TMTC2: variants seen among roughly 807,000 people sequenced by gnomAD.
The protein encoded by TMTC2 is protein O-mannosyl-transferase TMTC2.
TMTC2 carries 43 observed loss-of-function variants against 82.4 expected under a neutral mutation model. The observed-to-expected ratio is 0.52, with a 90% CI of 0.41 to 0.67. The LOEUF is 0.67. TMTC2 is among the 30% of genes least tolerant of loss of function. TMTC2 has a pLI of 0.00. For missense variants in TMTC2, 919 were observed against 1,012.4 expected (o/e 0.91, Z 1.25); for synonymous variants, 408 against 381.9 (o/e 1.07, Z -0.80).
At chr12:82,859,561 C>A (rs184577385) in intron 2 of TMTC2, among the ~76,000 whole-genome samples, 24 of 152,298 alleles carry the variant, frequency 1.6e-4, no homozygotes, top group Admixed American at 6.5e-4. Context: ...ATATTTGGGA[C>A]ATACTTATAA....
chr12:82,966,414 G>A (rs1444935617), intron 6 of TMTC2, among the ~76,000 whole-genome samples: 2 of 151,888 alleles, frequency 1.3e-5, no homozygotes, highest in East Asian at 1.9e-4. Context: ...TCCCACTCAC[G>A]TACTCTTATG....
chr12:83,091,909 C>T (rs1042644939), intron 11 of TMTC2, among the ~76,000 whole-genome samples: 4 of 152,140 alleles, frequency 2.6e-5, no homozygotes, highest in African/African-American at 4.8e-5. Flanking sequence ...GAAGCACTCA[C>T]CCTTCTTTTA....
At chr12:82,958,093 C>T (rs183013570) in intron 4 of TMTC2, among the ~76,000 whole-genome samples, 7 of 152,072 alleles carry the variant, frequency 4.6e-5, no homozygotes, top group African/African-American at 1.7e-4. Context: ...CTGGGCACAA[C>T]GGCTCATGCC....
chr12:83,059,122 T>C (rs1882646524), intron 10 of TMTC2, among the ~76,000 whole-genome samples: 4 of 151,862 alleles, frequency 2.6e-5, no homozygotes. Flanking sequence ...CTCGGGAACC[T>C]GAGTCCTGCG....
chr12:83,115,213 C>T (rs1884714960), intron 11 of TMTC2, among the ~76,000 whole-genome samples: 1 of 152,100 alleles, frequency 6.6e-6, no homozygotes, highest in Non-Finnish European at 1.5e-5. Context: ...AAAGCATGCA[C>T]ATGTTCCTCC....
At chr12:83,080,576 T>C (rs1883431641) in intron 11 of TMTC2, among the ~76,000 whole-genome samples, 1 of 152,150 alleles carries the variant, frequency 6.6e-6, no homozygotes, top group South Asian at 2.1e-4. Context: ...GTAATGCAGT[T>C]TGCCACAGCT....
chr12:82,887,736 CT>C (rs1263361334), intron 2 of TMTC2, among the ~76,000 whole-genome samples: 1 of 152,068 alleles, frequency 6.6e-6, no homozygotes, highest in South Asian at 2.1e-4. Context: ...AGCTGATTTC[CT>C]TTTTTATGTT....
At chr12:83,014,053 T>C (rs762136867) in intron 8 of TMTC2, among the ~76,000 whole-genome samples, 6 of 152,172 alleles carry the variant, frequency 3.9e-5, no homozygotes, top group Non-Finnish European at 7.3e-5. Flanking sequence ...ATTTTGCCTA[T>C]GTTTTTCTAA....
At chr12:83,107,757 G>C (rs1353322672) in intron 11 of TMTC2, among the ~76,000 whole-genome samples, 1 of 76,960 alleles carries the variant, frequency 1.3e-5, no homozygotes. Flanking sequence ...GTCTTTTTCT[G>C]CCCCATCCTT....
At chr12:82,928,535 A>G (rs1875846250) in intron 3 of TMTC2, among the ~76,000 whole-genome samples, 1 of 152,178 alleles carries the variant, frequency 6.6e-6, no homozygotes. Context: ...AAAGGATACA[A>G]TTTTCTATGG....
intron 8 of TMTC2, among the ~76,000 whole-genome samples, chr12:83,006,941 G>T (rs1170788690): frequency 6.6e-6 from 1 of 152,034 alleles, no homozygotes; most frequent in African/African-American, 2.4e-5. Flanking sequence ...CCTGTCATGG[G>T]GTCGGGGGCT....
intron 1 of TMTC2, among the ~76,000 whole-genome samples, chr12:82,850,690 T>C (rs2137105303): frequency 6.6e-6 from 1 of 152,266 alleles, no homozygotes; most frequent in Non-Finnish European, 1.5e-5. Flanking sequence ...TTTTTCAAAG[T>C]ATCAGGAAAG....
At chr12:83,004,399 G>T (rs979958293) in intron 8 of TMTC2, among the ~76,000 whole-genome samples, 1 of 152,090 alleles carries the variant, frequency 6.6e-6, no homozygotes. Context: ...TGTCAATCTG[G>T]CTAAGAAGCA....
chr12:83,000,223 C>A (rs911330777), intron 8 of TMTC2, among the ~76,000 whole-genome samples: 17 of 152,144 alleles, frequency 1.1e-4, no homozygotes, highest in African/African-American at 4.1e-4. Context: ...CAACCTCCAC[C>A]TCCCTAGTTC....
At chr12:82,771,153 G>A (rs1197762757) in intron 1 of TMTC2, among the ~76,000 whole-genome samples, 1 of 150,336 alleles carries the variant, frequency 6.7e-6, no homozygotes, top group Non-Finnish European at 1.5e-5. Flanking sequence ...ATTGCAGTGA[G>A]CCGAGATCAC....
At chr12:82,998,602 A>G (rs961760334) in intron 8 of TMTC2, among the ~76,000 whole-genome samples, 16 of 152,202 alleles carry the variant, frequency 1.1e-4, no homozygotes, top group African/African-American at 3.6e-4. Context: ...AGTATTTAAA[A>G]TCTTTTCCTC....
chr12:82,730,392 T>C (rs1204779631), intron 1 of TMTC2, among the ~76,000 whole-genome samples: 2 of 151,828 alleles, frequency 1.3e-5, no homozygotes, highest in African/African-American at 4.8e-5. Flanking sequence ...TCTTCTGCTA[T>C]TGGAATAATA....
intron 7 of TMTC2, among the ~76,000 whole-genome samples, chr12:82,969,962 A>G (rs1183781822): frequency 1.3e-5 from 2 of 152,226 alleles, no homozygotes; most frequent in Non-Finnish European, 2.9e-5. Flanking sequence ...AGATATGAGA[A>G]TACATGAAAT....
At chr12:82,785,934 G>A (rs1878158308) in intron 1 of TMTC2, among the ~76,000 whole-genome samples, 1 of 152,118 alleles carries the variant, frequency 6.6e-6, no homozygotes, top group African/African-American at 2.4e-5. Context: ...GAAATTCTAA[G>A]TGTGGCAAGA....
Sources: gnomAD v4.1 joint callset for allele counts (sites outside exome capture counted in the v4.1 genomes callset) on GRCh38, gnomAD v4.1.1 for gene constraint, MANE v1.5 for transcripts, NCBI Gene and HGNC (gene_info 2026-07-23, HGNC 2026-07-21) for gene names.